Variants in CSNK1G1 observed in about 807,000 individuals in gnomAD.
CSNK1G1 encodes the protein casein kinase 1 gamma 1, also known as casein kinase I isoform gamma-1.
Under a neutral mutation model 59.6 loss-of-function variants are expected in CSNK1G1, and 22 were observed. That is an observed-to-expected ratio of 0.37 (90% CI 0.26 to 0.53). The LOEUF (loss-of-function observed/expected upper bound fraction) is 0.53. Among genes scored for constraint, CSNK1G1 ranks in the 20% least tolerant of loss-of-function variants. The pLI is 0.89. For missense variants in CSNK1G1, 384 were observed against 519.5 expected (o/e 0.74, Z 2.54); for synonymous variants, 179 against 177.1 (o/e 1.01, Z -0.08).
chr15:64,331,854 G>C (rs1460646728), intron 1 of CSNK1G1, among the ~76,000 whole-genome samples: 6 of 148,816 alleles, frequency 4.0e-5, no homozygotes, highest in South Asian at 4.2e-4. Context: ...CCATCAAAAA[G>C]TGGGCGAAGG....
At chr15:64,201,706 ATGTGTGTG>A (rs10664838) in intron 10 of CSNK1G1, among the ~76,000 whole-genome samples, 467 of 126,534 alleles carry the variant, frequency 3.7e-3, no homozygotes, top group East Asian at 6.0e-3. Flanking sequence ...TCCATTGGAC[ATGTGTGTG>A]TGTGTGTGTG....
intron 4 of CSNK1G1, among the ~76,000 whole-genome samples, chr15:64,234,900 A>C (rs1453402259): frequency 6.6e-6 from 1 of 152,144 alleles, no homozygotes; most frequent in Admixed American, 6.5e-5. Context: ...CAGTTGTGAC[A>C]TAAGGGCTCT....
chr15:64,270,534 C>T (rs1289682852), intron 2 of CSNK1G1, among the ~76,000 whole-genome samples: 1 of 152,082 alleles, frequency 6.6e-6, no homozygotes, highest in African/African-American at 2.4e-5. Flanking sequence ...CCGAGATGGG[C>T]GGATCACGAG....
rs545241414 is a variant in CSNK1G1, at chr15:64,343,105, G to A, written c.-225+12883C>T. 1.7e-3 allele frequency among the ~76,000 whole-genome samples: 253 copies of A among 151,908 alleles called. 2 individuals carry two copies. Among genetic ancestry groups the A allele is most frequent in the African/African-American group, 5.7e-3 (238 of 41,444 alleles). On this transcript the variant is annotated intron_variant, in intron 1 of 11. Transcript: ENST00000303052. ...CGCATGCCTGTAATCCCAGCTATTC[G>A]GGAGGCCAAGGCAGGAGAATCGCTT...
intron 8 of CSNK1G1, 73 bp from the exon 9 acceptor site, chr15:64,204,662 G>T: frequency 6.8e-7 from 1 of 1,468,138 alleles, no homozygotes; most frequent in Non-Finnish European, 9.4e-7. Flanking sequence ...GAAGCATTGG[G>T]CCACAAAGGG....
At chr15:64,299,326 C>T (rs1263080196) in intron 2 of CSNK1G1, among the ~76,000 whole-genome samples, 7 of 150,998 alleles carry the variant, frequency 4.6e-5, no homozygotes, top group South Asian at 2.1e-4. Flanking sequence ...CGGTGGCTCA[C>T]GCCTGTAATC....
chr15:64,189,495 AAT>A (rs1285539251), intron 10 of CSNK1G1: 5 of 1,224,970 alleles, frequency 4.1e-6, no homozygotes, highest in Non-Finnish European at 4.2e-6. Flanking sequence ...AAAAATGAAA[AAT>A]GAGTAGTTGG....
intron 10 of CSNK1G1, among the ~76,000 whole-genome samples, chr15:64,184,985 C>T (rs2081871607): frequency 6.6e-6 from 1 of 152,174 alleles, no homozygotes. Context: ...GTCTTATGTC[C>T]TTACTTGGTC....
In CSNK1G1 at chr15:64,277,070, A is replaced by G. The variant is rs576224506; in HGVS notation, c.182-17829T>C. Among the ~76,000 whole-genome samples, 8 of 152,318 alleles carry G rather than the reference A, an allele frequency of 5.3e-5. No homozygotes were observed. The East Asian group carries it at 9.6e-4, about 18-fold the overall frequency. The stretch of plus-strand genomic sequence containing the variant: ...ATGCAACGTCAGTGACTTGAACTTG[A>G]TCATTAGACAAAATAGTCAAATATA... On this transcript the variant is annotated intron_variant, in intron 2 of 11. Coordinates refer to ENST00000303052, the MANE Select transcript of CSNK1G1 (RefSeq NM_022048.5).
intron 10 of CSNK1G1, among the ~76,000 whole-genome samples, chr15:64,187,931 CA>C (rs1245481302): frequency 6.6e-6 from 1 of 152,204 alleles, no homozygotes. Context: ...CACTCAGAAA[CA>C]GATGACTTAT....
At chr15:64,259,604 G>A (rs1892588164) in intron 2 of CSNK1G1, among the ~76,000 whole-genome samples, 1 of 151,578 alleles carries the variant, frequency 6.6e-6, no homozygotes, top group African/African-American at 2.4e-5. Context: ...AGAGATTTTA[G>A]CTCTTGGCAC....
At chr15:64,280,882 C>T (rs1429041127) in intron 2 of CSNK1G1, among the ~76,000 whole-genome samples, 1 of 151,364 alleles carries the variant, frequency 6.6e-6, no homozygotes, top group East Asian at 2.0e-4. Context: ...GAAGGAAATT[C>T]TTTTTTCTTT....
At chr15:64,318,180 T>A (rs906853961) in intron 1 of CSNK1G1, among the ~76,000 whole-genome samples, 5 of 151,560 alleles carry the variant, frequency 3.3e-5, no homozygotes, top group African/African-American at 9.7e-5. Flanking sequence ...ATATATATAT[T>A]TTTAATGGCT....
intron 2 of CSNK1G1, chr15:64,265,619 G>T: frequency 3.8e-6 from 1 of 261,370 alleles, no homozygotes; most frequent in South Asian, 3.9e-5. Flanking sequence ...TTACTGGCAT[G>T]AGAACAGACT....
intron 4 of CSNK1G1, among the ~76,000 whole-genome samples, chr15:64,225,998 G>A (rs996043684): frequency 2.0e-5 from 3 of 152,188 alleles, no homozygotes; most frequent in Non-Finnish European, 2.9e-5. Context: ...ACCCGCTCAA[G>A]CCCGCTCCCA....
chr15:64,339,308 G>A (rs938630816), intron 1 of CSNK1G1, among the ~76,000 whole-genome samples: 1 of 151,844 alleles, frequency 6.6e-6, no homozygotes, highest in Non-Finnish European at 1.5e-5. Context: ...TTTGTTTTTT[G>A]TTGTTATTGT....
chr15:64,326,849 T>C (rs1286366697), intron 1 of CSNK1G1, among the ~76,000 whole-genome samples: 4 of 150,782 alleles, frequency 2.7e-5, no homozygotes, highest in Non-Finnish European at 5.9e-5. Context: ...GGGCGAGGCA[T>C]TGCCTCACCT....
chr15:64,265,846 G>A (rs779245190), intron 2 of CSNK1G1: 5 of 456,318 alleles, frequency 1.1e-5, no homozygotes, highest in South Asian at 6.2e-5. Flanking sequence ...TTTAGCAGGA[G>A]GCCAAGGCAG....
intron 2 of CSNK1G1, among the ~76,000 whole-genome samples, chr15:64,272,551 T>C (rs1190976501): frequency 6.6e-6 from 1 of 152,130 alleles, no homozygotes; most frequent in East Asian, 1.9e-4. Context: ...GTATTTAGCC[T>C]GTTTACATTC....
Sources: allele counts gnomAD v4.1 joint callset (sites outside exome capture counted in the v4.1 genomes callset), GRCh38; gene constraint gnomAD v4.1.1; transcripts MANE v1.5; gene names NCBI Gene and HGNC (gene_info 2026-07-23, HGNC 2026-07-21).